BACH2: variants seen among roughly 807,000 people sequenced by gnomAD.
BACH2 encodes the protein transcription regulator protein BACH2.
A neutral mutation model predicts 61.8 loss-of-function variants in BACH2; 5 were observed. The ratio of observed to expected loss-of-function variants is 0.08; its 90% CI spans 0.04 to 0.17. The LOEUF is 0.17. Among genes scored for constraint, BACH2 ranks in the 10% least tolerant of loss-of-function variants. The probability of loss-of-function intolerance (pLI) is 1.00; values close to 1 mark genes in which losing one functional copy is unlikely to be tolerated. For synonymous variants in BACH2, 446 were observed against 440.1 expected (o/e 1.01, Z -0.17); for missense variants, 824 against 1,091.1 (o/e 0.76, Z 3.45).
chr6:90,199,547 T>C lies in BACH2; in HGVS notation c.-162+7022A>G, dbSNP rs193211550. ...CTACTCAATTACATGGTAAGTTGTA[T>C]TTTAAATTTGCACTTCCATACCTCT... On this transcript the variant is annotated intron_variant, in intron 4 of 8. Coordinates refer to ENST00000257749, the MANE Select transcript of BACH2 (RefSeq NM_021813.4). Among the ~76,000 whole-genome samples the C allele has an allele frequency of 2.5e-4, 38 of 152,348 alleles. No individual in the cohort carries two copies. In the East Asian group the frequency reaches 6.7e-3, roughly 27 times the overall value.
At chr6:90,157,376 T>A (rs1418233873) in intron 4 of BACH2, among the ~76,000 whole-genome samples, 1 of 152,250 alleles carries the variant, frequency 6.6e-6, no homozygotes, top group African/African-American at 2.4e-5. Context: ...GAGATTGGGT[T>A]GTTAATTTAT....
At chr6:90,163,443 GC>G (rs1767476678) in intron 4 of BACH2, among the ~76,000 whole-genome samples, 1 of 152,064 alleles carries the variant, frequency 6.6e-6, no homozygotes, top group African/African-American at 2.4e-5. Flanking sequence ...TTAACATCCT[GC>G]CCCACTAATT....
At chr6:90,267,985 AT>A (rs1205287172) in intron 2 of BACH2, among the ~76,000 whole-genome samples, 1 of 142,516 alleles carries the variant, frequency 7.0e-6, no homozygotes, top group Non-Finnish European at 1.5e-5. Context: ...AGTAAACAGC[AT>A]TTTTTTCTGC....
intron 5 of BACH2, among the ~76,000 whole-genome samples, chr6:90,016,867 T>C (rs909744243): frequency 2.0e-5 from 3 of 152,100 alleles, no homozygotes; most frequent in Admixed American, 1.3e-4. Context: ...TTCACCTGCA[T>C]TGTTTCCAGT....
At chr6:90,190,965 T>G (rs1390084708) in intron 4 of BACH2, among the ~76,000 whole-genome samples, 1 of 152,166 alleles carries the variant, frequency 6.6e-6, no homozygotes, top group East Asian at 1.9e-4. Context: ...AGATAGCAAC[T>G]CTGAACCATC....
chr6:90,109,924 A>C (rs1219062610), intron 4 of BACH2, among the ~76,000 whole-genome samples: 2 of 152,248 alleles, frequency 1.3e-5, no homozygotes, highest in African/African-American at 4.8e-5. Flanking sequence ...AATTAAAACA[A>C]AACTTTAAAA....
chr6:90,268,237 C>T (rs1771408302), intron 2 of BACH2, among the ~76,000 whole-genome samples: 2 of 152,126 alleles, frequency 1.3e-5, no homozygotes, highest in South Asian at 2.1e-4. Flanking sequence ...AACCCCTGAT[C>T]TCAAGTGATC....
intron 4 of BACH2, among the ~76,000 whole-genome samples, chr6:90,187,093 C>A (rs774303910): frequency 6.6e-6 from 1 of 152,184 alleles, no homozygotes; most frequent in Non-Finnish European, 1.5e-5. Flanking sequence ...CCAACAAAAA[C>A]CTCCTGAGGG....
At chr6:90,145,892 A>ATT (rs1362281243) in intron 4 of BACH2, among the ~76,000 whole-genome samples, 3 of 152,196 alleles carry the variant, frequency 2.0e-5, no homozygotes, top group Non-Finnish European at 1.5e-5. Flanking sequence ...AGAGGAAGAC[A>ATT]ATGTCCTTGT....
rs371386234 is a variant in BACH2, at chr6:90,103,029, A to ATTTTTTTTTT, written c.-161-13930_-161-13921dup. On this transcript the variant is annotated intron_variant, in intron 4 of 8. Transcript: ENST00000257749. The stretch of plus-strand genomic sequence containing the variant: ...TACATATATATATATATATATATAT[A>ATTTTTTTTTT]TTTTTTTTTTTTTTTTTTTTTTACC... 6.6e-4 allele frequency among the ~76,000 whole-genome samples: 14 copies of ATTTTTTTTTT among 21,164 alleles called. 2 individuals carry two copies. The South Asian group carries it at 0.013, about 19-fold the overall frequency. The allele number at this position is 21,164 out of a possible 152,430, so 13.9% of individuals were successfully genotyped here.
chr6:90,162,622 C>T (rs372468009), intron 4 of BACH2, among the ~76,000 whole-genome samples: 4 of 151,892 alleles, frequency 2.6e-5, no homozygotes, highest in Admixed American at 6.6e-5. Flanking sequence ...AGTCTGGTCA[C>T]GAGAGCAAGA....
chr6:90,211,126 C>CAAAAAAAAAAAA (rs3072672), intron 3 of BACH2, among the ~76,000 whole-genome samples: 5 of 45,350 alleles, frequency 1.1e-4, no homozygotes, highest in African/African-American at 4.8e-4. Flanking sequence ...GACTCCATCT[C>CAAAAAAAAAAAA]AAAAAAAAAA....
intron 6 of BACH2, among the ~76,000 whole-genome samples, chr6:89,986,149 T>C (rs917070359): frequency 2.0e-5 from 3 of 151,782 alleles, no homozygotes; most frequent in African/African-American, 4.8e-5. Flanking sequence ...GGATGGGCTG[T>C]TAGTGCCTGG....
intron 3 of BACH2, among the ~76,000 whole-genome samples, chr6:90,234,538 A>G (rs560527654): frequency 6.6e-6 from 1 of 152,362 alleles, no homozygotes; most frequent in South Asian, 2.1e-4. Context: ...CAGCCAGGTC[A>G]GAAAAAAAGG....
chr6:90,086,760 G>C (rs1432884407), intron 5 of BACH2, among the ~76,000 whole-genome samples: 1 of 152,180 alleles, frequency 6.6e-6, no homozygotes, highest in Non-Finnish European at 1.5e-5. Context: ...GGAGATCTGC[G>C]GAGTGGCAGA....
chr6:90,174,814 T>C (rs950867101), intron 4 of BACH2, among the ~76,000 whole-genome samples: 1 of 151,920 alleles, frequency 6.6e-6, no homozygotes, highest in African/African-American at 2.4e-5. Context: ...AGTCACAAAA[T>C]AATCAGTATG....
chr6:90,058,502 T>C (rs1368395140), intron 5 of BACH2, among the ~76,000 whole-genome samples: 1 of 152,218 alleles, frequency 6.6e-6, no homozygotes, highest in Non-Finnish European at 1.5e-5. Flanking sequence ...GAACATTCCA[T>C]GCTCATGGGT....
intron 4 of BACH2, among the ~76,000 whole-genome samples, chr6:90,094,861 T>TACACACACACAC (rs111697212): frequency 0.012 from 1,822 of 150,770 alleles, 25 homozygotes; most frequent in African/African-American, 0.042. Context: ...TCCACAACTA[T>TACACACACACAC]ACACACACAC....
chr6:90,073,381 C>T (rs1361859925), intron 5 of BACH2, among the ~76,000 whole-genome samples: 1 of 152,194 alleles, frequency 6.6e-6, no homozygotes, highest in Non-Finnish European at 1.5e-5. Context: ...TCATTCCTGG[C>T]ATATTATCAG....
Sources: gnomAD v4.1 joint callset for allele counts (sites outside exome capture counted in the v4.1 genomes callset) on GRCh38, gnomAD v4.1.1 for gene constraint, MANE v1.5 for transcripts, NCBI Gene and HGNC (gene_info 2026-07-23, HGNC 2026-07-21) for gene names.